The following YLPM1 variants were observed in gnomAD, a reference collection of about 807,000 sequenced individuals.
YLPM1 encodes the protein YLP motif-containing protein 1.
A neutral mutation model predicts 230.0 loss-of-function variants in YLPM1; 99 were observed. The observed-to-expected ratio is 0.43, with a 90% CI of 0.37 to 0.51. The LOEUF (loss-of-function observed/expected upper bound fraction) is 0.51, where lower values mean the gene tolerates loss of function less well. YLPM1 is among the 20% of genes least tolerant of loss of function. The probability of loss-of-function intolerance (pLI) is 0.00; values close to 1 mark genes in which losing one functional copy is unlikely to be tolerated. For synonymous variants in YLPM1, 984 were observed against 942.5 expected (o/e 1.04, Z -0.81); for missense variants, 2,592 against 2,707.7 (o/e 0.96, Z 0.95).
At chr14:74,816,069 A>G (rs2091475397) in intron 11 of YLPM1, 134 bp from the exon 12 acceptor site, 1 of 705,938 alleles carries the variant, frequency 1.4e-6, no homozygotes, top group South Asian at 2.4e-5. Context: ...TGTCCTTTCA[A>G]ATTTATGAAG....
In YLPM1 at chr14:74,797,767, C is replaced by T. The variant is rs765349265; in HGVS notation, c.2470C>T (p.Pro824Ser). 32 of 1,613,774 alleles carry T rather than the reference C, an allele frequency of 2.0e-5. No homozygotes were observed. Among genetic ancestry groups the T allele is most frequent in the Admixed American group, 5.0e-5 (3 of 59,992 alleles). The change falls in exon 5 of 21, where the codon CCC becomes TCC. Residue 824 changes from proline (P) to serine (S), a missense_variant. Transcript: ENST00000325680. ...GCCAGCATCTCAATTTTATATTACC[C>T]CCAGTACATCCCTAAGTCCTCGACA... ...RGPASQFYIT[P>S]STSLSPRQSG...
intron 1 of YLPM1, among the ~76,000 whole-genome samples, chr14:74,767,444 T>G (rs528154462): frequency 1.3e-5 from 2 of 152,310 alleles, no homozygotes; most frequent in African/African-American, 4.8e-5. Flanking sequence ...GAAAAGATTC[T>G]TAGTATAGAT....
Position 74,835,384 on chromosome 14 carries a change from A to T in YLPM1, c.6414A>T (p.Lys2138Asn). ...ITDESGHLAEKALNRTKYI is the reference protein window; with the variant it reads ...ITDESGHLAENALNRTKYI Reference sequence around the variant, plus strand: ...ATGAAAGTGGTCACCTGGCTGAAAAAGCCCTCAATCGAACCAAATATATAT... The same window carrying T: ...ATGAAAGTGGTCACCTGGCTGAAAATGCCCTCAATCGAACCAAATATATAT... Residue 2138 changes from lysine to asparagine, a missense_variant, in exon 20 of 21, where the codon AAA becomes AAT. Coordinates refer to ENST00000325680, the MANE Select transcript of YLPM1 (RefSeq NM_019589.3). 2 of 1,613,692 alleles carry T rather than the reference A, an allele frequency of 1.2e-6. No homozygotes were observed. The highest frequency in any genetic ancestry group is 1.7e-6 in the Non-Finnish European group (2 of 1,179,694).
At chr14:74,787,370 G>A (rs12588874) in intron 4 of YLPM1, among the ~76,000 whole-genome samples, 72,550 of 151,558 alleles carry the variant, frequency 0.48, 17,719 homozygotes, top group East Asian at 0.54. Context: ...TGAGACCAGC[G>A]TGGCCAACAT....
intron 4 of YLPM1, among the ~76,000 whole-genome samples, chr14:74,787,575 CAA>C (rs1456170793): frequency 7.7e-6 from 1 of 130,286 alleles, no homozygotes; most frequent in African/African-American, 2.9e-5. Context: ...GATTCCGTCT[CAA>C]AAAAAAAAAA....
chr14:74,764,986 C>T (rs149737979), intron 1 of YLPM1, among the ~76,000 whole-genome samples: 105 of 152,160 alleles, frequency 6.9e-4, no homozygotes, highest in African/African-American at 2.5e-3. Flanking sequence ...AGGAATTGAC[C>T]CAGACATCCT....
chr14:74,820,851 T>C (rs8016389), intron 16 of YLPM1, among the ~76,000 whole-genome samples: 72,788 of 151,984 alleles, frequency 0.48, 17,823 homozygotes, highest in Non-Finnish European at 0.54. Context: ...ATTGTACAGA[T>C]GGATATTCAA....
In YLPM1 at chr14:74,772,505, T is replaced by C. The variant is rs1048341739; in HGVS notation, c.874-5942T>C. Among the ~76,000 whole-genome samples the C allele has an allele frequency of 3.8e-4, 58 of 151,958 alleles. 1 individual carries two copies. Among genetic ancestry groups the C allele is most frequent in the Non-Finnish European group, 5.7e-4 (39 of 67,994 alleles). ...TCCCGAGTAGCTGGGATTACAGGCATGTGCCACCACACCCAGCTAAGTTTT... is the reference window on the plus strand; with the variant it reads ...TCCCGAGTAGCTGGGATTACAGGCACGTGCCACCACACCCAGCTAAGTTTT... On this transcript the variant is annotated intron_variant, in intron 1 of 20. Coordinates refer to ENST00000325680, the MANE Select transcript of YLPM1 (RefSeq NM_019589.3).
chr14:74,832,635 A>C (rs2091615826), intron 19 of YLPM1, among the ~76,000 whole-genome samples: 1 of 151,942 alleles, frequency 6.6e-6, no homozygotes, highest in African/African-American at 2.4e-5. Flanking sequence ...ACGTCCGGCT[A>C]ATTTTGTTTG....
chr14:74,782,429 A>T, intron 4 of YLPM1, 104 bp downstream of exon 4: 4 of 1,307,522 alleles, frequency 3.1e-6, no homozygotes, highest in African/African-American at 1.5e-5. Context: ...CAATGTTTAT[A>T]CTCTCTTTGT....
In YLPM1 at chr14:74,810,222, T is replaced by C; in HGVS notation, c.5033-3T>C. On this transcript the variant is annotated splice_polypyrimidine_tract_variant and splice_region_variant and intron_variant, in intron 8 of 20. Transcript: ENST00000325680. Reference sequence around the variant, plus strand: ...AGTTATTTTGTACTAATTGTTTTTGTAGAGCATGCAGGCCAACGTGATCGT... The same window carrying C: ...AGTTATTTTGTACTAATTGTTTTTGCAGAGCATGCAGGCCAACGTGATCGT... 6.2e-7 allele frequency: 1 copy of C among 1,612,762 alleles called. No individual in the cohort carries two copies. The highest frequency in any genetic ancestry group is 8.5e-7 in the Non-Finnish European group (1 of 1,179,174).
intron 1 of YLPM1, among the ~76,000 whole-genome samples, chr14:74,769,998 T>A (rs2090961215): frequency 6.6e-6 from 1 of 150,846 alleles, no homozygotes; most frequent in South Asian, 2.1e-4. Context: ...CTGGCTAACA[T>A]GGTGAAACCC....
At chr14:74,829,406 A>C (rs1358307049) in intron 19 of YLPM1, 63 bp downstream of exon 19, 4 of 1,601,308 alleles carry the variant, frequency 2.5e-6, no homozygotes, top group Non-Finnish European at 3.4e-6. Flanking sequence ...TGGTTTTAGG[A>C]AGTTACAGGC....
At chr14:74,778,099 T>C (rs1296337573) in intron 1 of YLPM1, among the ~76,000 whole-genome samples, 1 of 152,182 alleles carries the variant, frequency 6.6e-6, no homozygotes, top group Non-Finnish European at 1.5e-5. Flanking sequence ...CGGAACAAAC[T>C]GAAGCCAGGT....
intron 17 of YLPM1, chr14:74,821,469 A>T: frequency 5.7e-6 from 1 of 175,960 alleles, no homozygotes. Flanking sequence ...GATATGTGGC[A>T]CAGCCTACCC....
In YLPM1 at chr14:74,798,868, G is replaced by A. The variant is rs2091293154; in HGVS notation, c.3571G>A (p.Ala1191Thr). 6.2e-7 allele frequency: 1 copy of A among 1,613,884 alleles called. No homozygotes were observed. Among genetic ancestry groups the A allele is most frequent in the Non-Finnish European group, 8.5e-7 (1 of 1,179,846 alleles). The change falls in exon 5 of 21, where the codon GCT (alanine) becomes ACT (threonine). Residue 1191 changes from alanine (A) to threonine (T), a missense_variant. Ala to Thr is a moderately conservative substitution (Grantham distance 58). This residue lies in a region of YLPM1 where 1,862 missense variants were observed against 1,819.8 expected (regional missense o/e 1.02). Transcript: ENST00000325680. ...ATATCACCGGGATGAGCCTCCTAGG[G>A]CTCCATGGAACCATGGAGAAGAGCG... ...YPYHRDEPPR[A>T]PWNHGEERGH... is the part of the protein sequence containing the mutation.
intron 12 of YLPM1, 143 bp from the exon 13 acceptor site, chr14:74,816,428 C>G: frequency 3.8e-5 from 47 of 1,252,304 alleles, no homozygotes; most frequent in Non-Finnish European, 5.0e-5. Context: ...ATATTTTTAT[C>G]TACTCAGAGA....
In YLPM1 at chr14:74,791,295, T is replaced by C. The variant is rs371319915; in HGVS notation, c.2283-6285T>C. On this transcript the variant is annotated intron_variant, in intron 4 of 20. Coordinates refer to ENST00000325680, the MANE Select transcript of YLPM1 (RefSeq NM_019589.3). ...AAAAGGACAAAAAAAAATCAAATAGTGATAAATATTTGCCATTTATATGTA... is the reference window on the plus strand; with the variant it reads ...AAAAGGACAAAAAAAAATCAAATAGCGATAAATATTTGCCATTTATATGTA... Among the ~76,000 whole-genome samples, 29 of 152,204 alleles carry C rather than the reference T, an allele frequency of 1.9e-4. No homozygotes were observed. In the South Asian group the frequency reaches 4.4e-3, roughly 23 times the overall value.
chr14:74,802,653 T>C lies in YLPM1; in HGVS notation c.4498T>C (p.Ser1500Pro). Residue 1500 changes from serine to proline, a missense_variant, in exon 6 of 21, where the codon TCT (serine) becomes CCT (proline). Physicochemically the swap from Ser to Pro is moderately conservative, Grantham distance 74. Transcript: ENST00000325680. Reference protein sequence around the residue: ...PPQESRLQNTSSRPGMYPPPG... With the variant: ...PPQESRLQNTPSRPGMYPPPG... ...TCAGGAATCAAGATTGCAGAATACATCTTCAAGACCTGGAATGTATCCGGT... is the reference window on the plus strand; with the variant it reads ...TCAGGAATCAAGATTGCAGAATACACCTTCAAGACCTGGAATGTATCCGGT... 6.2e-7 allele frequency: 1 copy of C among 1,612,600 alleles called. No individual in the cohort carries two copies. The highest frequency in any genetic ancestry group is 8.5e-7 in the Non-Finnish European group (1 of 1,179,312).
Sources: allele counts gnomAD v4.1 joint callset (sites outside exome capture counted in the v4.1 genomes callset), GRCh38; gene constraint gnomAD v4.1.1; regional missense constraint gnomAD v4.1.1; transcripts MANE v1.5; gene names NCBI Gene and HGNC (gene_info 2026-07-23, HGNC 2026-07-21).